IFI44L: variants seen among roughly 807,000 people sequenced by gnomAD.
IFI44L encodes interferon induced protein 44 like.
IFI44L carries 40 observed loss-of-function variants against 39.3 expected under a neutral mutation model. That is an observed-to-expected ratio of 1.02 (90% CI 0.79 to 1.33). IFI44L has a LOEUF of 1.33. Ranked by LOEUF, IFI44L falls within the 40% of genes most tolerant of loss-of-function variation. The pLI is 0.00. For missense variants in IFI44L, 623 were observed against 549.0 expected, an observed-to-expected ratio of 1.13 and a Z score of -1.35; for synonymous variants, 198 against 182.3, an observed-to-expected ratio of 1.09 and a Z score of -0.69.
rs561174926 is a variant in IFI44L, at chr1:78,643,666, T to G, written c.*1857T>G. On this transcript the variant is annotated 3_prime_UTR_variant, in exon 9 of 9. Coordinates refer to ENST00000370751, the MANE Select transcript of IFI44L (RefSeq NM_006820.4). ...TTTTTGTTGTTGTTTTTTTTTTTTT[T>G]TGTTTTTTTGCTGAGTCAATTCCTT... is the stretch of plus-strand genomic sequence containing the variant. 2 of 146,156 alleles carry G rather than the reference T, an allele frequency of 1.4e-5. No homozygotes were observed. The highest frequency in any genetic ancestry group is 2.2e-4 in the South Asian group (1 of 4,504). 9.1% of individuals were successfully genotyped at this position (146,156 alleles called of 1,614,324 possible). A position where few individuals can be genotyped will look rare whatever the true frequency, so the allele number is the denominator to read the frequency against.
intron 5 of IFI44L, 73 bp from the exon 6 acceptor site, chr1:78,636,959 G>A (rs1652970706): frequency 8.2e-6 from 9 of 1,102,668 alleles, no homozygotes; most frequent in Non-Finnish European, 1.2e-5. Flanking sequence ...AGTATTAGAA[G>A]CATTAATTGT....
In IFI44L at chr1:78,629,909, C is replaced by T. The variant is rs369929636; in HGVS notation, c.717C>T (p.Thr239=). 84 of 1,611,410 alleles carry T rather than the reference C, an allele frequency of 5.2e-5. 2 individuals are homozygous for T. Among genetic ancestry groups the T allele is most frequent in the South Asian group, 3.9e-4 (35 of 90,842 alleles). ...AVVGSDITSI[T]ERYRIYSVKD... ...TGGGGTCTGATATCACCAGCATAAC[C>T]GAGCGGGTAAGTTATTTCCCTGAGG... is the stretch of plus-strand genomic sequence containing the variant. Residue 239 remains threonine (T), a synonymous_variant, in exon 4 of 9, where the codon ACC becomes ACT. Coordinates refer to ENST00000370751, the MANE Select transcript of IFI44L (RefSeq NM_006820.4).
In IFI44L at chr1:78,641,030, A is replaced by G; in HGVS notation, c.1058A>G (p.Tyr353Cys). The G allele has an allele frequency of 1.9e-6, 3 of 1,608,096 alleles. No homozygotes were observed. The highest frequency in any genetic ancestry group is 2.6e-6 in the Non-Finnish European group (3 of 1,174,976). Residue 353 changes from tyrosine (Y) to cysteine (C), a missense_variant, in exon 7 of 9, where the codon TAT (tyrosine) becomes TGT (cysteine). Tyr to Cys is a radical substitution (Grantham distance 194). Transcript: ENST00000370751. ...TATCTATTTGATATAGGTATAGCAT[A>G]TGTGGCCTTGCTTACTAAAGTGGAT... ...HKEVLNCGIA[Y>C]VALLTKVDDC...
chr1:78,641,018 T>C lies in IFI44L; in HGVS notation c.1049-3T>C, dbSNP rs1211031200. 3 of 1,594,048 alleles carry C rather than the reference T, an allele frequency of 1.9e-6. No individual in the cohort carries two copies. Among genetic ancestry groups the C allele is most frequent in the Non-Finnish European group, 2.6e-6 (3 of 1,162,844 alleles). On this transcript the variant is annotated splice_polypyrimidine_tract_variant and splice_region_variant and intron_variant, in intron 6 of 8. Coordinates refer to ENST00000370751, the MANE Select transcript of IFI44L (RefSeq NM_006820.4). Reference sequence around the variant, plus strand: ...AAATAACTGATTTATCTATTTGATATAGGTATAGCATATGTGGCCTTGCTT... The same window carrying C: ...AAATAACTGATTTATCTATTTGATACAGGTATAGCATATGTGGCCTTGCTT...
At chr1:78,634,251 G>A (rs1652857828) in intron 4 of IFI44L, among the ~76,000 whole-genome samples, 1 of 152,064 alleles carries the variant, frequency 6.6e-6, no homozygotes, top group Non-Finnish European at 1.5e-5. Flanking sequence ...TTAATCCAAA[G>A]AAGATTAACC....
intron 5 of IFI44L, chr1:78,635,785 C>A: frequency 3.0e-6 from 1 of 331,166 alleles, no homozygotes; most frequent in Non-Finnish European, 5.5e-6. Flanking sequence ...TAATGATAGT[C>A]ACTTAATCCC....
intron 2 of IFI44L, 33 bp from the exon 3 acceptor site, chr1:78,628,918 A>T: frequency 7.2e-7 from 1 of 1,394,276 alleles, no homozygotes; most frequent in Non-Finnish European, 1.0e-6. Flanking sequence ...AACAAGTTTT[A>T]AAAATGTATT....
intron 6 of IFI44L, among the ~76,000 whole-genome samples, chr1:78,640,617 T>A (rs1646971504): frequency 6.6e-6 from 1 of 152,072 alleles, no homozygotes; most frequent in South Asian, 2.1e-4. Flanking sequence ...AAGGAGTAGG[T>A]CCCTATTAGA....
At chr1:78,627,694 A>C (rs1432821779) in intron 1 of IFI44L, 2 of 328,810 alleles carry the variant, frequency 6.1e-6, no homozygotes, top group East Asian at 9.3e-5. Flanking sequence ...TTGATTTAAA[A>C]ATTTTAATGA....
In IFI44L at chr1:78,628,157, A is replaced by T. The variant is rs75343387; in HGVS notation, c.242A>T (p.Asp81Val). ...NLHESSTEPN[D>V]SLWFSLQKKN... ...CATGAAAGTTCTACAGAGCCAAATG[A>T]TTCCCTATGGTTTTCACTTCAAAAG... is the stretch of plus-strand genomic sequence containing the variant. The change falls in exon 2 of 9, where the codon GAT becomes GTT. Residue 81 changes from aspartate to valine, a missense_variant. By Grantham distance (152) the Asp-to-Val change is radical (BLOSUM62 -3). Coordinates refer to ENST00000370751, the MANE Select transcript of IFI44L (RefSeq NM_006820.4). 91 of 1,612,326 alleles carry T rather than the reference A, an allele frequency of 5.6e-5. 1 individual carries two copies. In the East Asian group the frequency reaches 1.6e-3, roughly 29 times the overall value.
intron 4 of IFI44L, among the ~76,000 whole-genome samples, chr1:78,632,012 C>A (rs564110141): frequency 1.4e-4 from 21 of 152,226 alleles, no homozygotes; most frequent in African/African-American, 4.8e-4. Flanking sequence ...GAATACACAT[C>A]ATTTTGATAT....
intron 1 of IFI44L, among the ~76,000 whole-genome samples, chr1:78,623,237 A>C (rs996172448): frequency 3.2e-4 from 48 of 152,164 alleles, no homozygotes; most frequent in African/African-American, 1.1e-3. Context: ...TATTATGTTG[A>C]ATAGAAGTGG....
chr1:78,624,188 G>C (rs565180613), intron 1 of IFI44L, among the ~76,000 whole-genome samples: 1 of 152,134 alleles, frequency 6.6e-6, no homozygotes, highest in Non-Finnish European at 1.5e-5. Flanking sequence ...TAGAGACGGG[G>C]CTTTTCCGTA....
At chr1:78,641,278 CACA>C (rs1646980217) in intron 7 of IFI44L, among the ~76,000 whole-genome samples, 154 bp from the exon 8 acceptor site, 3 of 152,112 alleles carry the variant, frequency 2.0e-5, no homozygotes, top group African/African-American at 7.2e-5. Flanking sequence ...AAATTTATAT[CACA>C]CTTTAAAACT....
intron 1 of IFI44L, among the ~76,000 whole-genome samples, chr1:78,624,719 TC>T (rs1557682024): frequency 6.6e-6 from 1 of 152,196 alleles, no homozygotes. Flanking sequence ...GTTTCTCCCT[TC>T]AATTCTTTCA....
At chr1:78,638,974 G>T (rs1226333405) in intron 6 of IFI44L, among the ~76,000 whole-genome samples, 1 of 152,106 alleles carries the variant, frequency 6.6e-6, no homozygotes, top group African/African-American at 2.4e-5. Context: ...ATACTGGTAA[G>T]ATGGAAAGTA....
At chr1:78,635,536 T>C in intron 5 of IFI44L, 47 bp downstream of exon 5, 1 of 1,577,220 alleles carries the variant, frequency 6.3e-7, no homozygotes, top group East Asian at 2.2e-5. Context: ...TTTTCTTCAG[T>C]ATTTTTCATT....
intron 4 of IFI44L, among the ~76,000 whole-genome samples, chr1:78,630,698 G>T (rs1383895106): frequency 6.6e-6 from 1 of 152,080 alleles, no homozygotes; most frequent in Non-Finnish European, 1.5e-5. Context: ...AGCATAATAA[G>T]ACAGTAATGG....
intron 6 of IFI44L, among the ~76,000 whole-genome samples, chr1:78,638,827 A>T (rs1034145488): frequency 1.3e-5 from 2 of 152,088 alleles, no homozygotes; most frequent in Non-Finnish European, 2.9e-5. Flanking sequence ...TGATCTTCTG[A>T]TTAGCTTTTC....
Sources: allele counts gnomAD v4.1 joint callset (sites outside exome capture counted in the v4.1 genomes callset), GRCh38; gene constraint gnomAD v4.1.1; transcripts MANE v1.5; gene names NCBI Gene and HGNC (gene_info 2026-07-23, HGNC 2026-07-21).